Variants in DMD observed in about 807,000 individuals in gnomAD.
DMD encodes mutant dystrophin.
In DMD, 63 loss-of-function variants were observed where a neutral mutation model predicts 330.1. The ratio of observed to expected loss-of-function variants is 0.19; its 90% CI spans 0.16 to 0.24. The LOEUF (loss-of-function observed/expected upper bound fraction) is 0.24, where lower values mean the gene tolerates loss of function less well. Ranked by LOEUF, DMD falls within the 10% of genes least tolerant of loss-of-function variation. DMD has a pLI of 1.00. For synonymous variants in DMD, 1,223 were observed against 959.8 expected (o/e 1.27, Z -5.07); for missense variants, 3,344 against 2,684.1 (o/e 1.25, Z -5.43).
At chrX:32,202,431 G>A (rs949784525) in intron 44 of DMD, among the ~76,000 whole-genome samples, 7 of 111,338 alleles carry the variant, frequency 6.3e-5, no homozygotes, top group Non-Finnish European at 1.1e-4. Flanking sequence ...GGCTCACTGC[G>A]ACCTCCGCCT....
chrX:32,465,062 A>G (rs1303443517), intron 23 of DMD, among the ~76,000 whole-genome samples: 2 of 112,238 alleles, frequency 1.8e-5, no homozygotes, highest in African/African-American at 3.2e-5. Flanking sequence ...TATGAACAAT[A>G]AACTCAATGT....
intron 18 of DMD, among the ~76,000 whole-genome samples, chrX:32,508,515 TC>T (rs1333588387): frequency 8.9e-6 from 1 of 111,906 alleles, no homozygotes; most frequent in African/African-American, 3.2e-5. Context: ...ATCAGTTCTG[TC>T]TCTACTGCTT....
intron 54 of DMD, among the ~76,000 whole-genome samples, chrX:31,641,239 C>T (rs1201941092): frequency 3.6e-5 from 4 of 110,824 alleles, no homozygotes; most frequent in Non-Finnish European, 5.7e-5. Context: ...TGGTGGCTCA[C>T]GCCTGTAATC....
chrX:32,319,471 A>G (rs1411022119), intron 41 of DMD, among the ~76,000 whole-genome samples: 3 of 111,854 alleles, frequency 2.7e-5, no homozygotes, highest in African/African-American at 9.7e-5. Context: ...TATAAGATAG[A>G]TATGTGGTTA....
intron 1 of DMD, among the ~76,000 whole-genome samples, chrX:33,240,334 C>A (rs2052567520): frequency 8.9e-6 from 1 of 111,836 alleles, no homozygotes; most frequent in Admixed American, 9.5e-5. Context: ...TCTTTCTCTG[C>A]CTGGCTTATT....
chrX:32,341,450 A>G (rs767057659), intron 41 of DMD, among the ~76,000 whole-genome samples: 1 of 111,906 alleles, frequency 8.9e-6, no homozygotes, highest in Non-Finnish European at 1.9e-5. Context: ...CTTTCCATTC[A>G]GTTGTTTGAA....
intron 59 of DMD, among the ~76,000 whole-genome samples, chrX:31,453,853 T>C (rs1049224236): frequency 3.8e-5 from 4 of 103,909 alleles, no homozygotes; most frequent in African/African-American, 1.4e-4. Flanking sequence ...AGTTCATGAG[T>C]GTTTCACAGA....
At chrX:32,858,996 T>C (rs1434620404) in intron 2 of DMD, among the ~76,000 whole-genome samples, 1 of 111,554 alleles carries the variant, frequency 9.0e-6, no homozygotes, top group Non-Finnish European at 1.9e-5. Context: ...TTATTCACTA[T>C]TAGAATGGGG....
At chrX:33,229,180 T>C (rs115604709) in intron 1 of DMD, among the ~76,000 whole-genome samples, 3,833 of 111,163 alleles carry the variant, frequency 0.034, 172 homozygotes, top group African/African-American at 0.12. Flanking sequence ...CTTAAGAGGA[T>C]CCTTTTCAGA....
At chrX:32,449,583 GT>G (rs111326869) in intron 26 of DMD, among the ~76,000 whole-genome samples, 2,446 of 95,682 alleles carry the variant, frequency 0.026, 41 homozygotes, top group African/African-American at 0.034. Context: ...ATCCTACAAT[GT>G]TTTTTTTTTT....
intron 15 of DMD, among the ~76,000 whole-genome samples, chrX:32,566,413 C>T (rs1323939679): frequency 8.9e-6 from 1 of 111,988 alleles, no homozygotes; most frequent in Non-Finnish European, 1.9e-5. Context: ...TTTTAACATT[C>T]GGTTCATTAT....
intron 6 of DMD, among the ~76,000 whole-genome samples, chrX:32,811,256 A>G (rs1191253669): frequency 1.8e-5 from 2 of 109,419 alleles, no homozygotes; most frequent in African/African-American, 6.7e-5. Context: ...GAGGTTGGAG[A>G]ATCACTTGAG....
At chrX:32,133,690 T>A (rs764953921) in intron 44 of DMD, among the ~76,000 whole-genome samples, 1 of 111,586 alleles carries the variant, frequency 9.0e-6, no homozygotes, top group Admixed American at 9.5e-5. Flanking sequence ...TTTTCTCCCA[T>A]GCCCCTTATC....
intron 2 of DMD, among the ~76,000 whole-genome samples, chrX:32,938,306 A>C (rs2090159956): frequency 1.8e-5 from 2 of 111,803 alleles, no homozygotes; most frequent in African/African-American, 6.5e-5. Context: ...AAAGGAGTAA[A>C]AATATGAGCA....
intron 3 of DMD, among the ~76,000 whole-genome samples, chrX:32,846,278 C>G (rs990526035): frequency 1.3e-4 from 15 of 111,728 alleles, no homozygotes; most frequent in Non-Finnish European, 2.6e-4. Context: ...TTGGTGGAGC[C>G]AGGACCCAAA....
intron 9 of DMD, among the ~76,000 whole-genome samples, 188 bp downstream of exon 9, chrX:32,697,682 T>G (rs977404610): frequency 4.5e-5 from 5 of 111,930 alleles, no homozygotes; most frequent in Admixed American, 9.5e-5. Context: ...AATCAACGTA[T>G]AGTAAACCTA....
intron 56 of DMD, among the ~76,000 whole-genome samples, chrX:31,504,632 A>G (rs2070749089): frequency 9.0e-6 from 1 of 111,134 alleles, no homozygotes; most frequent in East Asian, 2.8e-4. Context: ...TCTATATCTA[A>G]CTCTTCCAGT....
intron 1 of DMD, among the ~76,000 whole-genome samples, chrX:33,163,618 C>CTA (rs754180697): frequency 5.3e-3 from 131 of 24,843 alleles, no homozygotes; most frequent in East Asian, 0.023. Context: ...CTATATCTAT[C>CTA]TCTATCTATC....
chrX:31,524,647 A>C (rs1804856611), intron 55 of DMD, among the ~76,000 whole-genome samples: 1 of 112,100 alleles, frequency 8.9e-6, no homozygotes, highest in Admixed American at 9.5e-5. Flanking sequence ...TGGAGAGATA[A>C]GTCCATGAAC....
Sources: gnomAD v4.1 joint callset for allele counts (sites outside exome capture counted in the v4.1 genomes callset) on GRCh38, gnomAD v4.1.1 for gene constraint, MANE v1.5 for transcripts, NCBI Gene and HGNC (gene_info 2026-07-23, HGNC 2026-07-21) for gene names.